SETDB1: variants seen among roughly 807,000 people sequenced by gnomAD.
SETDB1 encodes histone-lysine N-methyltransferase SETDB1.
A neutral mutation model predicts 137.4 loss-of-function variants in SETDB1; 31 were observed. The observed-to-expected ratio is 0.23, with a 90% CI of 0.17 to 0.30. The LOEUF (loss-of-function observed/expected upper bound fraction) is 0.30. SETDB1 is among the 10% of genes least tolerant of loss of function. The pLI is 1.00. For synonymous variants in SETDB1, 548 were observed against 579.9 expected, an observed-to-expected ratio of 0.95 and a Z score of 0.79; for missense variants, 1,113 against 1,631.5, an observed-to-expected ratio of 0.68 and a Z score of 5.47.
At position 150,962,959 on chromosome 1, in the gene SETDB1, C is replaced by G; in HGVS notation, c.3295-15C>G. The G allele has an allele frequency of 6.2e-7, 1 of 1,611,696 alleles. No individual in the cohort carries two copies. Among genetic ancestry groups the G allele is most frequent in the Non-Finnish European group, 8.5e-7 (1 of 1,178,310 alleles). ...CCATTTACTTCTCTTACTTCTTACC[C>G]TCCTGCTTCCCCAGGATGTCCTGAC... On this transcript the variant is annotated splice_polypyrimidine_tract_variant and intron_variant, in intron 18 of 21. Transcript: ENST00000692827.
chr1:150,930,227 A>G (rs1669680764), intron 3 of SETDB1, 109 bp downstream of exon 3: 6 of 979,348 alleles, frequency 6.1e-6, no homozygotes, highest in South Asian at 1.7e-5. Flanking sequence ...CACTAACTCC[A>G]TATTTCTAAC....
intron 14 of SETDB1, among the ~76,000 whole-genome samples, chr1:150,953,850 A>T (rs587714338): frequency 1.4e-3 from 213 of 149,888 alleles, no homozygotes; most frequent in Non-Finnish European, 2.2e-3. Flanking sequence ...TTTAAAAATT[A>T]AAAAAAAAAT....
rs372208332 is a variant in SETDB1, at chr1:150,949,116, C to T, written c.1268-6C>T. 2 of 1,609,876 alleles carry T rather than the reference C, an allele frequency of 1.2e-6. No individual in the cohort carries two copies. Among genetic ancestry groups the T allele is most frequent in the East Asian group, 2.2e-5 (1 of 44,816 alleles). ...TTCTCAGTGCTCAATTTCCTTTTTC[C>T]TATAGGTGCTGTGAGGAGCAAAGGC... On this transcript the variant is annotated splice_polypyrimidine_tract_variant and splice_region_variant and intron_variant, in intron 10 of 21. Coordinates refer to ENST00000692827, the MANE Select transcript of SETDB1 (RefSeq NM_001366418.1).
At position 150,964,464 on chromosome 1, in the gene SETDB1, T is replaced by C. The variant is rs587695096; in HGVS notation, c.*100T>C. On this transcript the variant is annotated 3_prime_UTR_variant, in exon 22 of 22. Coordinates refer to ENST00000692827, the MANE Select transcript of SETDB1 (RefSeq NM_001366418.1). ...GACCCGAAGTCTCTGGGCTAGCTAC[T>C]CCCCCCAGCTCCTAGTTGATAGAAA... 1.1e-4 allele frequency: 91 copies of C among 806,212 alleles called. 1 individual carries two copies. The Middle Eastern group carries it at 1.7e-3, about 15-fold the overall frequency. 49.9% of individuals were successfully genotyped at this position (806,212 alleles called of 1,614,324 possible). A position where few individuals can be genotyped will look rare whatever the true frequency, so the allele number is the denominator to read the frequency against.
intron 3 of SETDB1, among the ~76,000 whole-genome samples, chr1:150,932,233 TTTA>T (rs1669782780): frequency 1.3e-5 from 2 of 151,674 alleles, no homozygotes; most frequent in South Asian, 4.2e-4. Context: ...TTTTTTTTTT[TTTA>T]AAAAAAAAGA....
intron 3 of SETDB1, among the ~76,000 whole-genome samples, chr1:150,938,286 G>A (rs989174954): frequency 2.6e-5 from 4 of 151,640 alleles, no homozygotes; most frequent in African/African-American, 9.7e-5. Context: ...TTGAGGAACC[G>A]CATATTACAT....
intron 5 of SETDB1, 30 bp from the exon 6 acceptor site, chr1:150,942,533 C>G (rs757076318): frequency 6.3e-7 from 1 of 1,596,002 alleles, no homozygotes; most frequent in Non-Finnish European, 8.5e-7. Flanking sequence ...TATGTCATAA[C>G]TCTTGAGAAT....
rs758895897 is a variant in SETDB1, at chr1:150,950,680, G to T, written c.1806G>T (p.Leu602=). The T allele has an allele frequency of 3.7e-6, 6 of 1,614,166 alleles. No individual in the cohort carries two copies. Among genetic ancestry groups the T allele is most frequent in the Non-Finnish European group, 8.5e-7 (1 of 1,180,042 alleles). The change falls in exon 13 of 22, where the codon CTG becomes CTT. Residue 602 remains leucine, a synonymous_variant. Coordinates refer to ENST00000692827, the MANE Select transcript of SETDB1 (RefSeq NM_001366418.1). Reference sequence around the variant, plus strand: ...AGTACCGGGGCAAGAACCCTCTGCTGGTCCCGTTACTATATGACTTCCGGC... The same window carrying T: ...AGTACCGGGGCAAGAACCCTCTGCTTGTCCCGTTACTATATGACTTCCGGC... The part of the protein sequence containing the change: ...NEQYRGKNPL[L]VPLLYDFRRM...
intron 3 of SETDB1, among the ~76,000 whole-genome samples, chr1:150,932,992 TTTAA>T (rs1237768723): frequency 2.0e-5 from 3 of 152,288 alleles, no homozygotes; most frequent in Admixed American, 1.3e-4. Flanking sequence ...GTTGTTAATT[TTTAA>T]TTAATTTTAT....
chr1:150,936,227 A>G (rs1253373052), intron 3 of SETDB1, among the ~76,000 whole-genome samples: 1 of 151,902 alleles, frequency 6.6e-6, no homozygotes, highest in East Asian at 1.9e-4. Flanking sequence ...CTGACCTCGT[A>G]ATCTGCCCGT....
chr1:150,930,191 T>C, intron 3 of SETDB1, 73 bp downstream of exon 3: 1 of 1,319,840 alleles, frequency 7.6e-7, no homozygotes, highest in East Asian at 2.3e-5. Flanking sequence ...AAATAGAAGA[T>C]AATAGAAGAG....
Position 150,956,070 on chromosome 1 carries a change from C to T in SETDB1, c.2334-3108C>T, listed in dbSNP as rs587772236. Among the ~76,000 whole-genome samples, 8 of 128,496 alleles carry T rather than the reference C, an allele frequency of 6.2e-5. No individual in the cohort carries two copies. In the East Asian group the frequency reaches 1.1e-3, roughly 18 times the overall value. The allele number at this position is 128,496 out of a possible 152,430, so 84.3% of individuals were successfully genotyped here. A position where few individuals can be genotyped will look rare whatever the true frequency, so the allele number is the denominator to read the frequency against. Reference sequence around the variant, plus strand: ...TTGCACCATTGCACTCCAGCCTGGGCGACAGAAGGAGACTTCGTCTCAAAA... The same window carrying T: ...TTGCACCATTGCACTCCAGCCTGGGTGACAGAAGGAGACTTCGTCTCAAAA... On this transcript the variant is annotated intron_variant, in intron 14 of 21. Coordinates refer to ENST00000692827, the MANE Select transcript of SETDB1 (RefSeq NM_001366418.1).
rs1571617570 is a variant in SETDB1 at position 150,927,691 on chromosome 1, C to G, written c.-11-13C>G. ...TAAGGACTCCAATTTAATTTGTTTT[C>G]TGTTCCATGCAGAGGACAAAAGCAT... On this transcript the variant is annotated splice_polypyrimidine_tract_variant and intron_variant, in intron 1 of 21. Transcript: ENST00000692827. 2 of 1,606,558 alleles carry G rather than the reference C, an allele frequency of 1.2e-6. No individual in the cohort carries two copies. The highest frequency in any genetic ancestry group is 1.7e-6 in the Non-Finnish European group (2 of 1,175,406).
In SETDB1 at chr1:150,962,962, C is replaced by T; in HGVS notation, c.3295-12C>T. ...TTTACTTCTCTTACTTCTTACCCTC[C>T]TGCTTCCCCAGGATGTCCTGACACT... On this transcript the variant is annotated splice_polypyrimidine_tract_variant and intron_variant, in intron 18 of 21. Transcript: ENST00000692827. The T allele has an allele frequency of 6.2e-7, 1 of 1,611,844 alleles. No homozygotes were observed. The highest frequency in any genetic ancestry group is 8.5e-7 in the Non-Finnish European group (1 of 1,178,442).
Position 150,930,056 on chromosome 1 carries a change from C to T in SETDB1, c.350C>T (p.Ser117Phe). The change falls in exon 3 of 22, where the codon TCC becomes TTC. Residue 117 changes from serine (S) to phenylalanine (F), a missense_variant. Ser to Phe is a radical substitution (Grantham distance 155). Transcript: ENST00000692827. The part of the protein sequence containing the change: ...YRDSSSEDES[S>F]RPTEIIEIPD... ...GACAGTAGCTCTGAGGACGAATCTTCCCGGCCTACAGAAATAATTGAGATT... is the reference window on the plus strand; with the variant it reads ...GACAGTAGCTCTGAGGACGAATCTTTCCGGCCTACAGAAATAATTGAGATT... 2.5e-6 allele frequency: 4 copies of T among 1,613,932 alleles called. No homozygotes were observed. Among genetic ancestry groups the T allele is most frequent in the South Asian group, 1.1e-5 (1 of 91,082 alleles).
At chr1:150,939,719 C>G (rs1670071277) in intron 3 of SETDB1, among the ~76,000 whole-genome samples, 1 of 152,042 alleles carries the variant, frequency 6.6e-6, no homozygotes, top group Non-Finnish European at 1.5e-5. Flanking sequence ...TTCCAAGTAG[C>G]AGGGATTACA....
chr1:150,962,627 C>G lies in SETDB1; in HGVS notation c.3202C>G (p.Pro1068Ala). The change falls in exon 18 of 22, where the codon CCT (proline) becomes GCT (alanine). Residue 1068 changes from proline to alanine, a missense_variant. Physicochemically the swap from Pro to Ala is conservative, Grantham distance 27. Around this residue, in one of 11 missense-constraint regions of SETDB1, gnomAD observed 373 missense variants for 412.7 expected, o/e 0.90. Coordinates refer to ENST00000692827, the MANE Select transcript of SETDB1 (RefSeq NM_001366418.1). ...TCGAAATTACGGTTACAATCCTTCT[C>G]CTGTGAAGCCTGAAGGACTTCGCCG... is the stretch of plus-strand genomic sequence containing the variant. Reference protein sequence around the residue: ...SSRNYGYNPSPVKPEGLRRPP... With the variant: ...SSRNYGYNPSAVKPEGLRRPP... 1 of 1,613,792 alleles carries G rather than the reference C, an allele frequency of 6.2e-7. No homozygotes were observed. The highest frequency in any genetic ancestry group is 8.5e-7 in the Non-Finnish European group (1 of 1,179,664).
chr1:150,937,334 G>C (rs1407074325), intron 3 of SETDB1, among the ~76,000 whole-genome samples: 2 of 152,232 alleles, frequency 1.3e-5, no homozygotes, highest in East Asian at 3.9e-4. Flanking sequence ...TGGAGGGAGG[G>C]GAAAATGGGG....
At position 150,949,211 on chromosome 1, in the gene SETDB1, C is replaced by T. The variant is rs761204924; in HGVS notation, c.1357C>T (p.Pro453Ser). The part of the protein sequence containing the change: ...TQFKPVEPPQ[P>S]TAPPAPPFPP... ...GTTCAAGCCAGTGGAACCCCCACAG[C>T]CTACAGCTCCACCTGCCCCACCTTT... Residue 453 changes from proline (P) to serine (S), a missense_variant, in exon 11 of 22, where the codon CCT (proline) becomes TCT (serine). Pro to Ser is a moderately conservative substitution (Grantham distance 74). Around this residue, in one of 11 missense-constraint regions of SETDB1, gnomAD observed 192 missense variants for 198.1 expected, o/e 0.97. Transcript: ENST00000692827. 1.2e-6 allele frequency: 2 copies of T among 1,614,082 alleles called. No individual in the cohort carries two copies. The highest frequency in any genetic ancestry group is 1.7e-6 in the Non-Finnish European group (2 of 1,180,008).
Sources: gnomAD v4.1 joint callset for allele counts (sites outside exome capture counted in the v4.1 genomes callset) on GRCh38, gnomAD v4.1.1 for gene constraint, gnomAD v4.1.1 regional missense constraint, MANE v1.5 for transcripts, NCBI Gene and HGNC (gene_info 2026-07-23, HGNC 2026-07-21) for gene names.